PTPRD: variants seen among roughly 807,000 people sequenced by gnomAD.
PTPRD encodes the protein receptor-type tyrosine-protein phosphatase delta.
PTPRD carries 34 observed loss-of-function variants against 214.5 expected under a neutral mutation model. That is an observed-to-expected ratio of 0.16 (90% CI 0.12 to 0.21). The LOEUF (loss-of-function observed/expected upper bound fraction) is 0.21. Ranked by LOEUF, PTPRD falls within the 10% of genes least tolerant of loss-of-function variation. The probability of loss-of-function intolerance (pLI) is 1.00; values close to 1 mark genes in which losing one functional copy is unlikely to be tolerated. For synonymous variants in PTPRD, 1,128 were observed against 845.7 expected (o/e 1.33, Z -5.79); for missense variants, 2,545 against 2,398.7 (o/e 1.06, Z -1.27).
intron 11 of PTPRD, among the ~76,000 whole-genome samples, chr9:8,956,135 G>C (rs1278270037): frequency 6.6e-6 from 1 of 151,836 alleles, no homozygotes; most frequent in Non-Finnish European, 1.5e-5. Context: ...AGAAACATAA[G>C]GTGCTGACCT....
intron 7 of PTPRD, among the ~76,000 whole-genome samples, chr9:9,669,863 T>A (rs1448624843): frequency 6.6e-6 from 1 of 152,182 alleles, no homozygotes; most frequent in African/African-American, 2.4e-5. Context: ...ATGTCAATGA[T>A]TATAGCCATG....
At chr9:8,895,720 A>G (rs1005183548) in intron 11 of PTPRD, among the ~76,000 whole-genome samples, 4 of 152,166 alleles carry the variant, frequency 2.6e-5, no homozygotes, top group African/African-American at 9.7e-5. Flanking sequence ...GGGGAAGACA[A>G]TGAGTGCTGC....
At chr9:9,417,336 T>C (rs1047335821) in intron 8 of PTPRD, among the ~76,000 whole-genome samples, 1 of 152,134 alleles carries the variant, frequency 6.6e-6, no homozygotes, top group African/African-American at 2.4e-5. Flanking sequence ...TCAATAATTT[T>C]CCATTATGTT....
chr9:10,163,309 C>A (rs1167675321), intron 3 of PTPRD, among the ~76,000 whole-genome samples: 1 of 151,264 alleles, frequency 6.6e-6, no homozygotes, highest in Non-Finnish European at 1.5e-5. Context: ...TAATTACTGT[C>A]TTTGAAAATG....
chr9:10,559,293 A>C (rs2063320248), intron 2 of PTPRD, among the ~76,000 whole-genome samples: 1 of 152,110 alleles, frequency 6.6e-6, no homozygotes, highest in Non-Finnish European at 1.5e-5. Context: ...GCACATCCAA[A>C]TGTATACAGA....
At chr9:10,230,028 T>G (rs553083881) in intron 3 of PTPRD, among the ~76,000 whole-genome samples, 1 of 152,176 alleles carries the variant, frequency 6.6e-6, no homozygotes, top group Non-Finnish European at 1.5e-5. Flanking sequence ...AATTCTCAAG[T>G]TAGGCTCTTG....
intron 7 of PTPRD, among the ~76,000 whole-genome samples, chr9:9,680,967 T>C (rs540891658): frequency 1.3e-5 from 2 of 151,936 alleles, no homozygotes; most frequent in East Asian, 3.9e-4. Context: ...TATATCACTA[T>C]ATTTTTCTCA....
chr9:9,116,787 G>C (rs1280135679), intron 10 of PTPRD, among the ~76,000 whole-genome samples: 1 of 152,044 alleles, frequency 6.6e-6, no homozygotes, highest in East Asian at 1.9e-4. Context: ...AGAGGATCAA[G>C]TTCTTCAATT....
At chr9:9,394,347 T>C (rs952635207) in intron 9 of PTPRD, among the ~76,000 whole-genome samples, 4 of 152,178 alleles carry the variant, frequency 2.6e-5, no homozygotes, top group Non-Finnish European at 5.9e-5. Context: ...TTGCCTTTAG[T>C]GCTCTATTCC....
chr9:9,862,208 T>C (rs772499837), intron 5 of PTPRD, among the ~76,000 whole-genome samples: 1 of 150,346 alleles, frequency 6.7e-6, no homozygotes, highest in South Asian at 2.1e-4. Context: ...AGTGCCATCA[T>C]TGGAAAAAAA....
chr9:8,778,838 G>A (rs1032622762), intron 11 of PTPRD, among the ~76,000 whole-genome samples: 1 of 151,894 alleles, frequency 6.6e-6, no homozygotes, highest in Non-Finnish European at 1.5e-5. Flanking sequence ...GAGCCCATAG[G>A]GTTGCTCAAT....
At chr9:9,404,882 T>G (rs897311878) in intron 8 of PTPRD, among the ~76,000 whole-genome samples, 1 of 152,032 alleles carries the variant, frequency 6.6e-6, no homozygotes, top group Non-Finnish European at 1.5e-5. Flanking sequence ...CTAGATGGGA[T>G]GGTTTAATTC....
chr9:8,698,299 C>A (rs866372212), intron 12 of PTPRD, among the ~76,000 whole-genome samples: 40 of 152,222 alleles, frequency 2.6e-4, no homozygotes, highest in Middle Eastern at 3.4e-3. Flanking sequence ...TAAGACTATC[C>A]ATTTTTGAAA....
chr9:10,585,399 G>A (rs1160259), intron 2 of PTPRD, among the ~76,000 whole-genome samples: 27,230 of 151,682 alleles, frequency 0.18, 3,031 homozygotes, highest in East Asian at 0.53. Context: ...TTAGGAGATA[G>A]CCAATTAACA....
At chr9:8,906,409 G>A (rs1217672355) in intron 11 of PTPRD, among the ~76,000 whole-genome samples, 3 of 152,022 alleles carry the variant, frequency 2.0e-5, no homozygotes, top group African/African-American at 7.2e-5. Flanking sequence ...GTAACTTTGG[G>A]GAAGTTACTT....
rs1418630726 is a variant in PTPRD at position 8,934,480 on chromosome 9, TATATATATATATAA to T, written c.-104+84203_-104+84216del. ...ATATATATAAATATATATATATAAA[TATATATATATATAA>T]ATATATATATAAATATATATATATA... On this transcript the variant is annotated intron_variant, in intron 11 of 45. Transcript: ENST00000381196. Among the ~76,000 whole-genome samples the T allele has an allele frequency of 4.2e-3, 34 of 8,088 alleles. 5 individuals carry two copies. The highest frequency in any genetic ancestry group is 0.013 in the South Asian group (2 of 158). The allele number at this position is 8,088 out of a possible 152,430, so 5.3% of individuals were successfully genotyped here.
At chr9:9,982,621 C>G (rs979572145) in intron 4 of PTPRD, among the ~76,000 whole-genome samples, 38 of 151,832 alleles carry the variant, frequency 2.5e-4, no homozygotes, top group African/African-American at 8.7e-4. Flanking sequence ...ATCAACACTT[C>G]CAGTTGCATT....
At chr9:9,524,427 G>C (rs1590697256) in intron 8 of PTPRD, among the ~76,000 whole-genome samples, 1 of 152,044 alleles carries the variant, frequency 6.6e-6, no homozygotes, top group Admixed American at 6.5e-5. Flanking sequence ...AATTCCTAAA[G>C]ATTTATTGCT....
chr9:9,847,812 G>T (rs781599807), intron 5 of PTPRD, among the ~76,000 whole-genome samples: 1 of 151,994 alleles, frequency 6.6e-6, no homozygotes, highest in Admixed American at 6.6e-5. Flanking sequence ...GTGGAGCTGA[G>T]CCCTCAGGCT....
Sources: allele counts gnomAD v4.1 joint callset (sites outside exome capture counted in the v4.1 genomes callset), GRCh38; gene constraint gnomAD v4.1.1; transcripts MANE v1.5; gene names NCBI Gene and HGNC (gene_info 2026-07-23, HGNC 2026-07-21).